Variants in MACF1 observed in about 807,000 individuals in gnomAD.
MACF1 encodes microtubule-actin cross-linking factor 1.
Under a neutral mutation model 854.8 loss-of-function variants are expected in MACF1, and 193 were observed. The ratio of observed to expected loss-of-function variants is 0.23; its 90% CI spans 0.20 to 0.25. The LOEUF is 0.25. MACF1 is among the 10% of genes least tolerant of loss of function. MACF1 has a pLI of 1.00. For synonymous variants in MACF1, 3,185 were observed against 3,226.7 expected (o/e 0.99, Z 0.44); for missense variants, 7,722 against 8,929.1 (o/e 0.86, Z 5.45).
At chr1:39,141,328 AGGTCTG>A (rs1643341518) in intron 2 of MACF1, among the ~76,000 whole-genome samples, 1 of 152,164 alleles carries the variant, frequency 6.6e-6, no homozygotes, top group Non-Finnish European at 1.5e-5. Context: ...CTGATTCAGT[AGGTCTG>A]GGGTGGGGCT....
At position 39,287,435 on chromosome 1, in the gene MACF1, ATTC is replaced by A. The variant is rs1175629429; in HGVS notation, c.1666_1668del (p.Ser556del). On this transcript the variant is annotated inframe_deletion, in exon 15 of 101. Transcript: ENST00000564288. ...GCAGAACCCTTAACCAAGGCAACCC[ATTC>A]TTCTTCTACCTCCTGGTTCCGAAAG... The A allele has an allele frequency of 5.0e-6, 8 of 1,613,966 alleles. No individual in the cohort carries two copies. The highest frequency in any genetic ancestry group is 6.8e-6 in the Non-Finnish European group (8 of 1,180,020).
Position 39,460,601 on chromosome 1 carries a change from A to C in MACF1, c.21361-31A>C, listed in dbSNP as rs374493471. 61 of 1,610,930 alleles carry C rather than the reference A, an allele frequency of 3.8e-5. No homozygotes were observed. Among genetic ancestry groups the C allele is most frequent in the Non-Finnish European group, 5.1e-5 (60 of 1,177,426 alleles). On this transcript the variant is annotated intron_variant, in intron 91 of 100. Coordinates refer to ENST00000564288, the MANE Select transcript of MACF1 (RefSeq NM_001394062.1). This position sits in a 1 kb window ranked among gnomAD's most constrained non-coding sequence, Gnocchi z 4.1. ...GCAGCTTTTGAGGGCCCAAAAAATA[A>C]ATCTTATTGACACTTCTGATTTCTG...
intron 2 of MACF1, among the ~76,000 whole-genome samples, chr1:39,128,057 G>T (rs1362746900): frequency 6.6e-6 from 1 of 152,096 alleles, no homozygotes; most frequent in Non-Finnish European, 1.5e-5. Context: ...TTCAAGCTTT[G>T]GTTTGTATCC....
chr1:39,470,059 T>A lies in MACF1; in HGVS notation c.21958+444T>A, dbSNP rs567430878. On this transcript the variant is annotated intron_variant, in intron 97 of 100. Transcript: ENST00000564288. ...GAGTATGTGCCCCTAGTCAGCATGT[T>A]ATATCTTTCAGAGGCTGACACACCT... Among the ~76,000 whole-genome samples, 88 of 152,344 alleles carry A rather than the reference T, an allele frequency of 5.8e-4. 1 individual carries two copies. The highest frequency in any genetic ancestry group is 2.1e-3 in the African/African-American group (87 of 41,578).
rs563883815 is a variant in MACF1 at position 39,262,332 on chromosome 1, T to G, written c.528+4304T>G. Among the ~76,000 whole-genome samples, 200 of 124,202 alleles carry G rather than the reference T, an allele frequency of 1.6e-3. 3 individuals carry two copies. In the Middle Eastern group the frequency reaches 0.089, roughly 55 times the overall value. The allele number at this position is 124,202 out of a possible 152,430, so 81.5% of individuals were successfully genotyped here. On this transcript the variant is annotated intron_variant, in intron 6 of 100. Transcript: ENST00000564288. ...ATGAGAATCACTTGAACCCGGGAGG[T>G]GGAGGCTGCAGTGAGCTGAAATTGT...
intron 1 of MACF1, among the ~76,000 whole-genome samples, chr1:39,222,842 C>G (rs867236023): frequency 6.6e-6 from 1 of 152,092 alleles, no homozygotes; most frequent in Non-Finnish European, 1.5e-5. Context: ...TTTTCTGTGG[C>G]CTTTGGAAAC....
In MACF1 at chr1:39,368,301, A is replaced by G; in HGVS notation, c.12925A>G (p.Thr4309Ala). ...AAAAGACTTCACAGAGCTACAGAAG[A>G]CAGTTAAAGAGAGGTGAGTTATCAC... The part of the protein sequence containing the change: ...LRKDFTELQK[T>A]VKEREKDASS... The change falls in exon 50 of 101, where the codon ACA (threonine) becomes GCA (alanine). Residue 4309 changes from threonine (T) to alanine (A), a missense_variant. By Grantham distance (58) the Thr-to-Ala change is moderately conservative. Coordinates refer to ENST00000564288, the MANE Select transcript of MACF1 (RefSeq NM_001394062.1). 1 of 1,613,650 alleles carries G rather than the reference A, an allele frequency of 6.2e-7. No homozygotes were observed. Among genetic ancestry groups the G allele is most frequent in the Non-Finnish European group, 8.5e-7 (1 of 1,179,658 alleles).
At chr1:39,303,491 A>G (rs1371628468) in intron 23 of MACF1, among the ~76,000 whole-genome samples, 1 of 151,694 alleles carries the variant, frequency 6.6e-6, no homozygotes, top group African/African-American at 2.4e-5. Flanking sequence ...CGGAGTTTGC[A>G]GTCAGCTGAG....
chr1:39,405,063 AG>A (rs1449778285), intron 58 of MACF1, among the ~76,000 whole-genome samples: 1 of 152,178 alleles, frequency 6.6e-6, no homozygotes, highest in Non-Finnish European at 1.5e-5. Context: ...AAGGGCTTAC[AG>A]GGGTCATGAG....
intron 54 of MACF1, 98 bp downstream of exon 54, chr1:39,379,542 G>A: frequency 7.3e-7 from 1 of 1,378,018 alleles, no homozygotes; most frequent in Non-Finnish European, 9.9e-7. Context: ...AGAGACATGG[G>A]CAACAATCTA....
intron 55 of MACF1, among the ~76,000 whole-genome samples, chr1:39,380,771 G>A (rs901787761): frequency 2.6e-5 from 4 of 152,060 alleles, no homozygotes; most frequent in Non-Finnish European, 4.4e-5. Context: ...AATTAGCCAG[G>A]TGTGGTGGCA....
chr1:39,315,726 A>G (rs1480955901), intron 27 of MACF1, 35 bp downstream of exon 27: 2 of 1,599,084 alleles, frequency 1.3e-6, no homozygotes, highest in Admixed American at 1.7e-5. Context: ...CAAGAGCAAT[A>G]TTTTCCATTG....
intron 49 of MACF1, among the ~76,000 whole-genome samples, chr1:39,362,061 C>T (rs1035374605): frequency 6.6e-6 from 1 of 152,140 alleles, no homozygotes. Flanking sequence ...CCACCTATAC[C>T]TTTCAAGAGG....
chr1:39,254,451 G>A (rs1021836402), intron 5 of MACF1, 76 bp downstream of exon 5: 1 of 1,297,682 alleles, frequency 7.7e-7, no homozygotes, highest in Non-Finnish European at 1.1e-6. Context: ...TGTTTTTAGT[G>A]CCCCTAGTAA....
At chr1:39,232,929 T>A (rs554737888) in intron 2 of MACF1, among the ~76,000 whole-genome samples, 1 of 152,196 alleles carries the variant, frequency 6.6e-6, no homozygotes, top group South Asian at 2.1e-4. Context: ...ACTACAGGCA[T>A]GCACTACCAC....
At chr1:39,209,340 A>C (rs896667691) in intron 1 of MACF1, among the ~76,000 whole-genome samples, 7 of 152,234 alleles carry the variant, frequency 4.6e-5, no homozygotes, top group African/African-American at 1.7e-4. Context: ...GGTTGAGTTT[A>C]ATGTGTGATC....
Position 39,387,784 on chromosome 1 carries a change from G to T in MACF1, c.14942G>T (p.Arg4981Leu). 6.2e-7 allele frequency: 1 copy of T among 1,614,160 alleles called. No homozygotes were observed. Among genetic ancestry groups the T allele is most frequent in the Non-Finnish European group, 8.5e-7 (1 of 1,180,038 alleles). The part of the protein sequence containing the change: ...NSSEADEDGI[R>L]DEKAGINQNM... ...TCAGAAGCAGATGAGGATGGAATCC[G>T]GGATGAGAAGGCTGGGATCAACCAG... The change falls in exon 58 of 101, where the codon CGG (arginine) becomes CTG (leucine). Residue 4981 changes from arginine (R) to leucine (L), a missense_variant. Arg to Leu is a moderately radical substitution (Grantham distance 102, BLOSUM62 -2). Coordinates refer to ENST00000564288, the MANE Select transcript of MACF1 (RefSeq NM_001394062.1).
chr1:39,270,521 A>G (rs961678039), intron 6 of MACF1, among the ~76,000 whole-genome samples: 1 of 152,212 alleles, frequency 6.6e-6, no homozygotes, highest in African/African-American at 2.4e-5. Context: ...GGAGCAAGTG[A>G]GAATTCAGAG....
chr1:39,414,210 C>T, intron 58 of MACF1: 3 of 1,613,854 alleles, frequency 1.9e-6, no homozygotes, highest in Middle Eastern at 1.7e-4. Flanking sequence ...CAGTGCCCAC[C>T]CCAGAGGTGC....
Sources: allele counts gnomAD v4.1 joint callset (sites outside exome capture counted in the v4.1 genomes callset), GRCh38; gene constraint gnomAD v4.1.1; non-coding constraint Gnocchi (gnomAD v3.1); transcripts MANE v1.5; gene names NCBI Gene and HGNC (gene_info 2026-07-23, HGNC 2026-07-21).